The following SH3KBP1 variants were observed in gnomAD, a reference collection of about 807,000 sequenced individuals.
The protein encoded by SH3KBP1 is SH3 domain-containing kinase-binding protein 1.
Under a neutral mutation model 50.1 loss-of-function variants are expected in SH3KBP1, and 8 were observed. The ratio of observed to expected loss-of-function variants is 0.16; its 90% CI spans 0.09 to 0.29. The LOEUF (loss-of-function observed/expected upper bound fraction) is 0.29, where lower values mean the gene tolerates loss of function less well. Among genes scored for constraint, SH3KBP1 ranks in the 10% least tolerant of loss-of-function variants. SH3KBP1 has a pLI of 1.00. For synonymous variants in SH3KBP1, 227 were observed against 218.6 expected (o/e 1.04, Z -0.34); for missense variants, 377 against 535.2 (o/e 0.70, Z 2.92).
chrX:19,696,795 T>A (rs1346110454), intron 4 of SH3KBP1, among the ~76,000 whole-genome samples: 1 of 112,186 alleles, frequency 8.9e-6, no homozygotes, highest in Non-Finnish European at 1.9e-5. Context: ...TGTGGTATAA[T>A]ACAACCTTTG....
intron 1 of SH3KBP1, among the ~76,000 whole-genome samples, chrX:19,855,688 C>T (rs1311703090): frequency 2.7e-5 from 3 of 111,173 alleles, no homozygotes; most frequent in Admixed American, 9.6e-5. Context: ...TGGCTCAGTG[C>T]TACACATACA....
chrX:19,570,498 TGGGCCGGATACTACA>T (rs1346052246), intron 12 of SH3KBP1, among the ~76,000 whole-genome samples: 1 of 111,480 alleles, frequency 9.0e-6, no homozygotes, highest in Non-Finnish European at 1.9e-5. Context: ...ACCTGACTGC[TGGGCCGGATACTACA>T]GGGCTTGTTT....
intron 2 of SH3KBP1, among the ~76,000 whole-genome samples, chrX:19,788,272 AAAAAAAAAAAAAAC>A (rs1384664342): frequency 1.0e-5 from 1 of 98,043 alleles, no homozygotes; most frequent in African/African-American, 3.9e-5. Flanking sequence ...CTATCTCCAA[AAAAAAAAAAAAAAC>A]AAAAAAAAAA....
At chrX:19,608,218 C>G (rs1413549687) in intron 8 of SH3KBP1, among the ~76,000 whole-genome samples, 173 bp from the exon 9 acceptor site, 2 of 111,538 alleles carry the variant, frequency 1.8e-5, no homozygotes, top group Non-Finnish European at 3.8e-5. Context: ...AGCTTAAGTC[C>G]GCTTAACAAT....
intron 12 of SH3KBP1, among the ~76,000 whole-genome samples, chrX:19,581,101 A>G (rs2066357279): frequency 9.0e-6 from 1 of 111,167 alleles, no homozygotes. Context: ...ACAGACATGC[A>G]ACACCATGCA....
chrX:19,816,292 T>C (rs2067352539), intron 2 of SH3KBP1, among the ~76,000 whole-genome samples: 2 of 112,438 alleles, frequency 1.8e-5, no homozygotes, highest in Admixed American at 9.4e-5. Flanking sequence ...CATGTGCTTA[T>C]TTTACATCTG....
At chrX:19,801,561 A>G (rs1289601972) in intron 2 of SH3KBP1, among the ~76,000 whole-genome samples, 2 of 111,792 alleles carry the variant, frequency 1.8e-5, no homozygotes, top group Non-Finnish European at 3.8e-5. Flanking sequence ...CTCCTTAAAG[A>G]AAAAGGAGAA....
At chrX:19,880,388 G>T (rs1023509825) in intron 1 of SH3KBP1, among the ~76,000 whole-genome samples, 1 of 112,628 alleles carries the variant, frequency 8.9e-6, no homozygotes, top group Non-Finnish European at 1.9e-5. Context: ...TGTATGCCAG[G>T]CAATGTGCCA....
intron 2 of SH3KBP1, among the ~76,000 whole-genome samples, chrX:19,773,937 G>A (rs1407123058): frequency 1.9e-5 from 2 of 106,808 alleles, no homozygotes; most frequent in Non-Finnish European, 3.9e-5. Context: ...CTCACTGATG[G>A]TGCCACTGTC....
At chrX:19,661,474 G>C (rs1266682081) in intron 6 of SH3KBP1, among the ~76,000 whole-genome samples, 1 of 110,748 alleles carries the variant, frequency 9.0e-6, no homozygotes, top group Non-Finnish European at 1.9e-5. Flanking sequence ...ATGGCAAAAG[G>C]ACTGAAAGTA....
chrX:19,673,798 G>A (rs1216485337), intron 6 of SH3KBP1, among the ~76,000 whole-genome samples: 1 of 111,051 alleles, frequency 9.0e-6, no homozygotes, highest in Non-Finnish European at 1.9e-5. Flanking sequence ...GAGCCCTGCA[G>A]GAAGAGGCAC....
At chrX:19,589,602 A>C (rs977111715) in intron 11 of SH3KBP1, among the ~76,000 whole-genome samples, 2 of 110,926 alleles carry the variant, frequency 1.8e-5, no homozygotes, top group African/African-American at 6.6e-5. Flanking sequence ...GTTCAGTGAC[A>C]ACCTCATATT....
chrX:19,801,446 G>A (rs2066888932), intron 2 of SH3KBP1, among the ~76,000 whole-genome samples: 1 of 112,449 alleles, frequency 8.9e-6, no homozygotes, highest in African/African-American at 3.2e-5. Context: ...AATCTCAAGT[G>A]TGCTGGGAGG....
intron 1 of SH3KBP1, among the ~76,000 whole-genome samples, chrX:19,886,021 A>G (rs1235470820): frequency 9.0e-6 from 1 of 110,671 alleles, no homozygotes. Flanking sequence ...TACTGCTACG[A>G]AAAAAAAAGG....
At chrX:19,576,167 A>G (rs1012900999) in intron 12 of SH3KBP1, among the ~76,000 whole-genome samples, 26 of 111,673 alleles carry the variant, frequency 2.3e-4, no homozygotes, top group African/African-American at 8.5e-4. Flanking sequence ...TTTACCTAGC[A>G]GTTTTCGTTA....
chrX:19,595,445 C>T (rs1010359576), intron 9 of SH3KBP1, among the ~76,000 whole-genome samples: 4 of 112,659 alleles, frequency 3.6e-5, no homozygotes, highest in Non-Finnish European at 7.5e-5. Flanking sequence ...AGGCTGAGGG[C>T]CCACTGCAGC....
At chrX:19,620,726 G>A (rs902418501) in intron 8 of SH3KBP1, among the ~76,000 whole-genome samples, 4 of 112,159 alleles carry the variant, frequency 3.6e-5, no homozygotes, top group African/African-American at 6.5e-5. Context: ...TCAAATCCAC[G>A]CAATTACGTA....
intron 3 of SH3KBP1, among the ~76,000 whole-genome samples, chrX:19,736,906 CTTT>C (rs147253839): frequency 2.1e-5 from 2 of 96,388 alleles, no homozygotes; most frequent in Non-Finnish European, 2.1e-5. Flanking sequence ...CCTCTAATTA[CTTT>C]TTTTTTTTTT....
intron 1 of SH3KBP1, among the ~76,000 whole-genome samples, chrX:19,840,098 T>C (rs918331474): frequency 8.9e-6 from 1 of 112,384 alleles, no homozygotes; most frequent in African/African-American, 3.2e-5. Context: ...GAATTTTTTT[T>C]ACATATCAGG....
Sources: allele counts gnomAD v4.1 joint callset (sites outside exome capture counted in the v4.1 genomes callset), GRCh38; gene constraint gnomAD v4.1.1; transcripts MANE v1.5; gene names NCBI Gene and HGNC (gene_info 2026-07-23, HGNC 2026-07-21).